Variants in SEMA3D observed in about 807,000 individuals in gnomAD.
SEMA3D encodes semaphorin-3D.
In SEMA3D, 84 loss-of-function variants were observed where a neutral mutation model predicts 100.1. The ratio of observed to expected loss-of-function variants is 0.84; its 90% CI spans 0.70 to 1.01. The LOEUF is 1.01. SEMA3D is among the 50% of genes least tolerant of loss of function. SEMA3D has a pLI of 0.00. For synonymous variants in SEMA3D, 312 were observed against 320.7 expected (o/e 0.97, Z 0.29); for missense variants, 875 against 934.1 (o/e 0.94, Z 0.82).
At chr7:85,193,475 A>G in the SEMA3D span, among the ~76,000 whole-genome samples, 1 of 152,100 alleles carries the variant, frequency 6.6e-6, no homozygotes, top group Non-Finnish European at 1.5e-5. Flanking sequence ...CTCGTTGGCA[A>G]AGCTACCTTC....
chr7:85,180,305 G>T (rs1791365167), intron 1 of SEMA3D, among the ~76,000 whole-genome samples: 1 of 152,096 alleles, frequency 6.6e-6, no homozygotes. Context: ...GCCATGTGAA[G>T]AAGGACATGT....
chr7:85,215,695 A>C, the SEMA3D span, among the ~76,000 whole-genome samples: 5 of 152,162 alleles, frequency 3.3e-5, no homozygotes, highest in African/African-American at 1.2e-4. Context: ...TACATTTATT[A>C]ATTCATTTGA....
At chr7:85,245,702 AT>A in the SEMA3D span, among the ~76,000 whole-genome samples, 62 of 152,046 alleles carry the variant, frequency 4.1e-4, no homozygotes, top group African/African-American at 1.3e-3. Context: ...TTCACATAGC[AT>A]TTTTTTTCTT....
chr7:85,207,734 T>C, the SEMA3D span, among the ~76,000 whole-genome samples: 1 of 152,048 alleles, frequency 6.6e-6, no homozygotes, highest in African/African-American at 2.4e-5. Context: ...ATTAGAGCAA[T>C]CATGTTACCT....
chr7:85,036,605 A>T (rs1279123880), intron 12 of SEMA3D, among the ~76,000 whole-genome samples: 2 of 152,120 alleles, frequency 1.3e-5, no homozygotes, highest in East Asian at 3.9e-4. Flanking sequence ...CATTCTAGAT[A>T]ACTAAATCTT....
intron 2 of SEMA3D, among the ~76,000 whole-genome samples, chr7:85,145,690 A>G (rs1313012026): frequency 1.3e-5 from 2 of 152,164 alleles, no homozygotes; most frequent in Non-Finnish European, 2.9e-5. Flanking sequence ...GGCATTTGCA[A>G]AGAGAAGTGA....
intron 1 of SEMA3D, among the ~76,000 whole-genome samples, chr7:85,160,298 A>G (rs190654593): frequency 2.0e-5 from 3 of 152,260 alleles, no homozygotes; most frequent in Admixed American, 1.3e-4. Flanking sequence ...ACCCAGCATG[A>G]AAGTATAGGA....
intron 3 of SEMA3D, among the ~76,000 whole-genome samples, chr7:85,105,436 G>A (rs745813108): frequency 1.3e-5 from 2 of 151,932 alleles, no homozygotes; most frequent in African/African-American, 2.4e-5. Context: ...ATGTGAAAAC[G>A]TTCTGTTTAT....
intron 1 of SEMA3D, among the ~76,000 whole-genome samples, chr7:85,180,267 T>G (rs1009616480): frequency 2.0e-5 from 3 of 152,170 alleles, no homozygotes; most frequent in Non-Finnish European, 4.4e-5. Flanking sequence ...GTTTTTTCCC[T>G]CTTTCCCCTG....
intron 4 of SEMA3D, among the ~76,000 whole-genome samples, chr7:85,093,208 CAA>C (rs1377943965): frequency 1.3e-5 from 2 of 151,944 alleles, no homozygotes; most frequent in Non-Finnish European, 2.9e-5. Flanking sequence ...GTGTAGTATT[CAA>C]AGTGTTTCGT....
intron 18 of SEMA3D, among the ~76,000 whole-genome samples, chr7:85,002,630 C>T (rs1028832045): frequency 7.9e-5 from 12 of 152,234 alleles, no homozygotes; most frequent in Non-Finnish European, 1.6e-4. Context: ...AATGTAATCT[C>T]TGGCCATTGA....
intron 2 of SEMA3D, among the ~76,000 whole-genome samples, chr7:85,123,857 C>T (rs577733122): frequency 6.6e-6 from 1 of 152,096 alleles, no homozygotes; most frequent in African/African-American, 2.4e-5. Flanking sequence ...TTAAATATAA[C>T]AAATATTGCA....
upstream of SEMA3D, among the ~76,000 whole-genome samples, chr7:85,190,366 C>T (rs374282415): frequency 3.2e-4 from 48 of 152,232 alleles, no homozygotes; most frequent in Admixed American, 1.8e-3. Flanking sequence ...ACCTTATAAA[C>T]GTTTTCTCAT....
chr7:85,020,125 C>A, intron 14 of SEMA3D, 108 bp downstream of exon 14: 1 of 700,242 alleles, frequency 1.4e-6, no homozygotes, highest in Non-Finnish European at 2.5e-6. Flanking sequence ...AAGCTAATTT[C>A]AAAGGCTTCT....
intron 2 of SEMA3D, among the ~76,000 whole-genome samples, chr7:85,138,316 T>A (rs1789921552): frequency 6.6e-6 from 1 of 151,896 alleles, no homozygotes; most frequent in African/African-American, 2.4e-5. Context: ...TTTGAGACAG[T>A]CTCACTCTAT....
upstream of SEMA3D, among the ~76,000 whole-genome samples, chr7:85,188,279 G>T (rs1791616733): frequency 6.6e-6 from 1 of 152,190 alleles, no homozygotes; most frequent in Non-Finnish European, 1.5e-5. Flanking sequence ...ATCTGACCAA[G>T]GCTCTTTCTT....
intron 1 of SEMA3D, among the ~76,000 whole-genome samples, chr7:85,154,651 T>C (rs1371014031): frequency 1.3e-5 from 2 of 152,188 alleles, no homozygotes; most frequent in Non-Finnish European, 2.9e-5. Flanking sequence ...TAGAACAGAT[T>C]GTCTCCTTGT....
chr7:85,004,644 A>T (rs996938850), intron 18 of SEMA3D, among the ~76,000 whole-genome samples: 2 of 152,088 alleles, frequency 1.3e-5, no homozygotes, highest in Non-Finnish European at 2.9e-5. Flanking sequence ...ACAGGAGATC[A>T]TGGTCCCTCC....
At chr7:85,105,758 G>C (rs765349490) in intron 3 of SEMA3D, among the ~76,000 whole-genome samples, 1 of 151,828 alleles carries the variant, frequency 6.6e-6, no homozygotes, top group Non-Finnish European at 1.5e-5. Flanking sequence ...TCTGTTCATT[G>C]GTCTTAGAAC....
Sources: allele counts gnomAD v4.1 joint callset (sites outside exome capture counted in the v4.1 genomes callset), GRCh38; gene constraint gnomAD v4.1.1; transcripts MANE v1.5; gene names NCBI Gene and HGNC (gene_info 2026-07-23, HGNC 2026-07-21).